The following RTTN variants were observed in gnomAD, a reference collection of about 807,000 sequenced individuals.
RTTN encodes rotatin.
In RTTN, 182 loss-of-function variants were observed where a neutral mutation model predicts 269.2. That is an observed-to-expected ratio of 0.68 (90% CI 0.60 to 0.76). The LOEUF (loss-of-function observed/expected upper bound fraction) is 0.76. RTTN is among the 30% of genes least tolerant of loss of function. The pLI, the probability that RTTN is intolerant of heterozygous loss-of-function variation, is 0.00. For missense variants in RTTN, 2,545 were observed against 2,608.6 expected (o/e 0.98, Z 0.53); for synonymous variants, 1,006 against 963.5 (o/e 1.04, Z -0.82).
chr18:70,104,212 TCTC>T (rs773750783), intron 28 of RTTN, among the ~76,000 whole-genome samples: 1 of 152,202 alleles, frequency 6.6e-6, no homozygotes, highest in Non-Finnish European at 1.5e-5. Context: ...TCTCTAAACT[TCTC>T]TTCTCGCTTC....
intron 11 of RTTN, among the ~76,000 whole-genome samples, chr18:70,174,547 GTTAT>G (rs1245425018): frequency 6.6e-6 from 1 of 151,820 alleles, no homozygotes; most frequent in Admixed American, 6.6e-5. Context: ...TCAGCATAGT[GTTAT>G]TTATCAAAAT....
intron 30 of RTTN, among the ~76,000 whole-genome samples, chr18:70,088,378 AT>A (rs1415665418): frequency 6.6e-6 from 1 of 152,204 alleles, no homozygotes; most frequent in Non-Finnish European, 1.5e-5. Context: ...AAAACTGGGT[AT>A]AAAAAGATGC....
intron 40 of RTTN, among the ~76,000 whole-genome samples, chr18:70,042,878 C>T (rs750181714): frequency 2.6e-5 from 4 of 152,106 alleles, no homozygotes; most frequent in Admixed American, 6.5e-5. Context: ...GGAGAAGAGA[C>T]GCTACGCAAA....
intron 17 of RTTN, among the ~76,000 whole-genome samples, chr18:70,146,785 T>C (rs972697236): frequency 2.6e-5 from 4 of 152,204 alleles, no homozygotes; most frequent in Non-Finnish European, 4.4e-5. Context: ...CCACAGCTCA[T>C]AGATACATAG....
chr18:70,168,386 A>G (rs912491321), intron 12 of RTTN, among the ~76,000 whole-genome samples: 1 of 152,210 alleles, frequency 6.6e-6, no homozygotes, highest in African/African-American at 2.4e-5. Context: ...ATCCTAATAC[A>G]TTATAAACAA....
intron 32 of RTTN, among the ~76,000 whole-genome samples, chr18:70,084,002 T>G (rs1374153127): frequency 1.3e-5 from 2 of 151,978 alleles, no homozygotes; most frequent in African/African-American, 2.4e-5. Flanking sequence ...AGCTATAATA[T>G]TATTCATAAT....
Position 70,134,503 on chromosome 18 carries a change from A to T in RTTN, c.2924T>A (p.Val975Asp), listed in dbSNP as rs1344465693. The change falls in exon 23 of 49, where the codon GTC (valine) becomes GAC (aspartate). Residue 975 changes from valine to aspartate, a missense_variant. Coordinates refer to ENST00000640769, the MANE Select transcript of RTTN (RefSeq NM_173630.4). ...AAAAACGGAAACAGGCAAACTGAAG[A>T]CCGATGGCAAAGAAGGTTTATTGGA... ...NPSNKPSLPS[V>D]FSLPVSVFRR... 1 of 1,610,554 alleles carries T rather than the reference A, an allele frequency of 6.2e-7. No individual in the cohort carries two copies. The highest frequency in any genetic ancestry group is 8.5e-7 in the Non-Finnish European group (1 of 1,178,230).
intron 18 of RTTN, among the ~76,000 whole-genome samples, chr18:70,143,058 G>A (rs1251377168): frequency 6.6e-6 from 1 of 152,104 alleles, no homozygotes; most frequent in Non-Finnish European, 1.5e-5. Flanking sequence ...CATTCTGACT[G>A]GTGTGAGATG....
intron 30 of RTTN, among the ~76,000 whole-genome samples, chr18:70,091,107 C>T (rs1463859897): frequency 6.6e-6 from 1 of 152,180 alleles, no homozygotes; most frequent in Non-Finnish European, 1.5e-5. Context: ...TATCTGGAGA[C>T]TTACCCAGAT....
Position 70,169,086 on chromosome 18 carries a change from CA to C in RTTN, c.1477-20del, listed in dbSNP as rs769928124. 5.8e-6 allele frequency: 9 copies of C among 1,540,974 alleles called. No homozygotes were observed. The highest frequency in any genetic ancestry group is 2.1e-5 in the Admixed American group (1 of 46,732). ...CGCTTGCCTTGGTGAATTAAAAAAA[CA>C]AAAAAATTAAAACTTTGTTTAAAAA... On this transcript the variant is annotated intron_variant, in intron 11 of 48. Transcript: ENST00000640769.
intron 10 of RTTN, among the ~76,000 whole-genome samples, chr18:70,184,476 C>T (rs1171348060): frequency 2.0e-5 from 3 of 151,768 alleles, no homozygotes; most frequent in Admixed American, 6.6e-5. Context: ...CACTTGAACC[C>T]GGGAGGCGGA....
chr18:70,171,406 A>G (rs766455749), intron 11 of RTTN, among the ~76,000 whole-genome samples: 31 of 152,332 alleles, frequency 2.0e-4, no homozygotes, highest in Non-Finnish European at 3.4e-4. Flanking sequence ...CATTAAGCAG[A>G]GCATATGGCA....
intron 40 of RTTN, among the ~76,000 whole-genome samples, chr18:70,032,488 G>C (rs2057045331): frequency 6.6e-6 from 1 of 152,150 alleles, no homozygotes; most frequent in Admixed American, 6.5e-5. Context: ...ATGGAAAAAG[G>C]CTACCAAGCA....
At chr18:70,042,874 G>A (rs2057386798) in intron 40 of RTTN, among the ~76,000 whole-genome samples, 1 of 152,186 alleles carries the variant, frequency 6.6e-6, no homozygotes, top group African/African-American at 2.4e-5. Context: ...TAAGGGAGAA[G>A]AGACGCTACG....
At chr18:70,202,955 T>C (rs2061988014) in intron 3 of RTTN, among the ~76,000 whole-genome samples, 1 of 151,890 alleles carries the variant, frequency 6.6e-6, no homozygotes, top group Non-Finnish European at 1.5e-5. Flanking sequence ...TCTAACAGGT[T>C]AAGCATCAAA....
chr18:70,165,561 T>G (rs2060963115), intron 14 of RTTN, among the ~76,000 whole-genome samples: 1 of 152,006 alleles, frequency 6.6e-6, no homozygotes, highest in South Asian at 2.1e-4. Flanking sequence ...CGCAGTAATA[T>G]ATATACTTTT....
intron 1 of RTTN, 81 bp from the exon 2 acceptor site, chr18:70,205,396 T>C: frequency 6.4e-7 from 1 of 1,559,674 alleles, no homozygotes; most frequent in East Asian, 2.3e-5. Context: ...AGGAGCGGCG[T>C]GAAGACGGAA....
At chr18:70,191,110 T>C (rs983230967) in intron 8 of RTTN, among the ~76,000 whole-genome samples, 1 of 151,890 alleles carries the variant, frequency 6.6e-6, no homozygotes, top group African/African-American at 2.4e-5. Flanking sequence ...GGGAGAATCT[T>C]CTGAGCCCAG....
At position 70,103,128 on chromosome 18, in the gene RTTN, G is replaced by A. The variant is rs537554003; in HGVS notation, c.3903+6370C>T. Among the ~76,000 whole-genome samples, 337 of 150,494 alleles carry A rather than the reference G, an allele frequency of 2.2e-3. 5 individuals carry two copies. The highest frequency in any genetic ancestry group is 1.6e-3 in the Non-Finnish European group (107 of 67,556). ...AGCGCCTCTGCCCAGCCGCCACCCC[G>A]TCTGGGAAGTGAGGATCGCCTCTGC... On this transcript the variant is annotated intron_variant, in intron 28 of 48. Transcript: ENST00000640769.
Sources: allele counts gnomAD v4.1 joint callset (sites outside exome capture counted in the v4.1 genomes callset), GRCh38; gene constraint gnomAD v4.1.1; transcripts MANE v1.5; gene names NCBI Gene and HGNC (gene_info 2026-07-23, HGNC 2026-07-21).